Variants in VPS37C observed in about 807,000 individuals in gnomAD.
VPS37C encodes the protein vacuolar protein sorting-associated protein 37C.
VPS37C carries 9 observed loss-of-function variants against 16.1 expected under a neutral mutation model. The ratio of observed to expected loss-of-function variants is 0.56; its 90% confidence interval spans 0.34 to 0.97. VPS37C has a LOEUF of 0.97. Ranked by LOEUF, VPS37C falls within the 50% of genes least tolerant of loss-of-function variation. The probability of loss-of-function intolerance (pLI) is 0.02; values close to 1 mark genes in which losing one functional copy is unlikely to be tolerated. For missense variants in VPS37C, 479 were observed against 472.7 expected, an observed-to-expected ratio of 1.01 and a Z score of -0.12; for synonymous variants, 207 against 206.4, an observed-to-expected ratio of 1.00 and a Z score of -0.02.
Position 61,150,409 on chromosome 11 carries a change from C to G in VPS37C, c.-7+10982G>C, listed in dbSNP as rs573680778. On this transcript the variant is annotated intron_variant, in intron 1 of 4. Transcript: ENST00000301765. Reference sequence around the variant, plus strand: ...CCCTAAGGCTGGCTGTCTTGCCCCCCTCCTCCCCTCACCGCCCCCACCTGT... The same window carrying G: ...CCCTAAGGCTGGCTGTCTTGCCCCCGTCCTCCCCTCACCGCCCCCACCTGT... 8.5e-5 allele frequency among the ~76,000 whole-genome samples: 13 copies of G among 152,260 alleles called. No individual in the cohort carries two copies. The East Asian group carries it at 2.3e-3, about 27-fold the overall frequency.
intron 1 of VPS37C, among the ~76,000 whole-genome samples, chr11:61,158,029 C>G (rs1411161061): frequency 6.6e-6 from 1 of 152,202 alleles, no homozygotes; most frequent in African/African-American, 2.4e-5. Context: ...GAAGCAGATG[C>G]TGGTACTATG....
rs1861306334 is a variant in VPS37C at position 61,133,281 on chromosome 11, C to T, written c.322G>A (p.Gly108Ser). 1 of 1,614,100 alleles carries T rather than the reference C, an allele frequency of 6.2e-7. No individual in the cohort carries two copies. The highest frequency in any genetic ancestry group is 1.7e-5 in the Admixed American group (1 of 60,008). ...GTLLDLLQVE[G>S]MKIEEESEAM... ...TCGGACTCTTCTTCGATCTTCATGC[C>T]TTCCACCTGCAGAAGGTCTAACAAG... The change falls in exon 4 of 5, where the codon GGC becomes AGC. Residue 108 changes from glycine (G) to serine (S), a missense_variant. Physicochemically the swap from Gly to Ser is moderately conservative, Grantham distance 56 (BLOSUM62 0). Transcript: ENST00000301765.
At chr11:61,138,915 A>G in intron 1 of VPS37C, 80 bp from the exon 2 acceptor site, 1 of 1,343,530 alleles carries the variant, frequency 7.4e-7, no homozygotes, top group Non-Finnish European at 1.1e-6. Context: ...ATGATTTATC[A>G]AAAACAAACT....
At chr11:61,155,061 G>A (rs1004959758) in intron 1 of VPS37C, among the ~76,000 whole-genome samples, 5 of 148,972 alleles carry the variant, frequency 3.4e-5, no homozygotes, top group Admixed American at 6.7e-5. Context: ...CTATGATCAC[G>A]CCACTGCACT....
intron 2 of VPS37C, among the ~76,000 whole-genome samples, chr11:61,134,929 G>A (rs746721655): frequency 1.3e-5 from 2 of 152,232 alleles, no homozygotes; most frequent in Non-Finnish European, 2.9e-5. Flanking sequence ...ACCCTTGCCA[G>A]CTGTTGTGAT....
rs754513863 is a variant in VPS37C at position 61,138,793 on chromosome 11, C to G, written c.37G>C (p.Glu13Gln). 46 of 1,614,050 alleles carry G rather than the reference C, an allele frequency of 2.8e-5. No individual in the cohort carries two copies. In the East Asian group the frequency reaches 9.4e-4, roughly 33 times the overall value. Residue 13 changes from glutamate (E) to glutamine (Q), a missense_variant, in exon 2 of 5, where the codon GAG becomes CAG. By Grantham distance (29) the Glu-to-Gln change is conservative (BLOSUM62 2). Coordinates refer to ENST00000301765, the MANE Select transcript of VPS37C (RefSeq NM_017966.5). ...TLKDKTLQEL[E>Q]ELQNDSEAID... ...GCCTCCGAGTCATTCTGCAACTCCT[C>G]CAGCTCCTGCAGGGTCTTATCCTTC...
intron 1 of VPS37C, chr11:61,145,091 A>G (rs1853177499): frequency 6.6e-6 from 1 of 152,222 alleles, no homozygotes. Context: ...TTTAATTGAA[A>G]CAATAAATAA....
Position 61,161,373 on chromosome 11 carries a change from TC to T in VPS37C, c.-7+17del. 1 of 152,528 alleles carries T rather than the reference TC, an allele frequency of 6.6e-6. No individual in the cohort carries two copies. Among genetic ancestry groups the T allele is most frequent in the Non-Finnish European group, 1.5e-5 (1 of 68,556 alleles). 9.4% of individuals were successfully genotyped at this position (152,528 alleles called of 1,614,324 possible). A position where few individuals can be genotyped will look rare whatever the true frequency, so the allele number is the denominator to read the frequency against. On this transcript the variant is annotated intron_variant, in intron 1 of 4. Coordinates refer to ENST00000301765, the MANE Select transcript of VPS37C (RefSeq NM_017966.5). ...CCCGCCTGCGGCAGAGCCGGGACCCTCCCCAGTCTCCGCTCACCTGCCAGGG... is the reference window on the plus strand; with the variant it reads ...CCCGCCTGCGGCAGAGCCGGGACCCTCCCAGTCTCCGCTCACCTGCCAGGG...
intron 1 of VPS37C, 111 bp from the exon 2 acceptor site, chr11:61,138,946 C>A: frequency 3.1e-6 from 3 of 977,142 alleles, no homozygotes; most frequent in Non-Finnish European, 4.8e-6. Flanking sequence ...TGCGATAATA[C>A]CACTCCACCG....
chr11:61,159,739 T>A (rs11230616), intron 1 of VPS37C, among the ~76,000 whole-genome samples: 88,645 of 135,062 alleles, frequency 0.66, 28,374 homozygotes, highest in East Asian at 0.93. Flanking sequence ...AATAAATAAA[T>A]AAAAAATACA....
chr11:61,150,082 C>T (rs1010974229), intron 1 of VPS37C, among the ~76,000 whole-genome samples: 5 of 152,018 alleles, frequency 3.3e-5, no homozygotes, highest in Non-Finnish European at 7.4e-5. Context: ...CCACACACAC[C>T]TGCATTCCAG....
At chr11:61,161,052 C>A (rs1319253503) in intron 1 of VPS37C, 1 of 152,344 alleles carries the variant, frequency 6.6e-6, no homozygotes, top group Non-Finnish European at 1.5e-5. Flanking sequence ...GCTCTAATGT[C>A]ATCAGAATTG....
chr11:61,145,013 T>C (rs934515032), intron 1 of VPS37C: 1 of 152,252 alleles, frequency 6.6e-6, no homozygotes, highest in African/African-American at 2.4e-5. Flanking sequence ...ATCTGTAAAA[T>C]GGGCAAACAA....
intron 1 of VPS37C, among the ~76,000 whole-genome samples, chr11:61,158,387 G>A (rs531627063): frequency 5.3e-4 from 80 of 152,336 alleles, no homozygotes; most frequent in Middle Eastern, 3.4e-3. Flanking sequence ...TGAATTGAAA[G>A]TTATAGAACA....
intron 1 of VPS37C, among the ~76,000 whole-genome samples, chr11:61,147,147 C>A (rs1853220385): frequency 6.6e-6 from 1 of 152,064 alleles, no homozygotes; most frequent in African/African-American, 2.4e-5. Flanking sequence ...GAGACAAGTG[C>A]AAGGGTACAG....
chr11:61,138,482 G>C (rs77337534), intron 2 of VPS37C: 2 of 460,128 alleles, frequency 4.3e-6, no homozygotes, highest in Admixed American at 3.3e-5. Context: ...GGGCTGGAAC[G>C]ACAGTGTGGG....
intron 1 of VPS37C, among the ~76,000 whole-genome samples, chr11:61,141,040 G>A (rs1314440427): frequency 6.6e-6 from 1 of 152,146 alleles, no homozygotes; most frequent in Non-Finnish European, 1.5e-5. Context: ...GCATCTGATT[G>A]TAAAAATTGT....
At chr11:61,133,705 CCTGGGACACAGAGAGCCCAGAGCAG>C (rs1192920984) in intron 3 of VPS37C, among the ~76,000 whole-genome samples, 2 of 152,188 alleles carry the variant, frequency 1.3e-5, no homozygotes, top group Admixed American at 6.5e-5. Context: ...GGTGACAGGT[CCTGGGACACAGAGAGCCCAGAGCAG>C]CTCAGGAACA....
chr11:61,153,503 C>A (rs1337848680), intron 1 of VPS37C, among the ~76,000 whole-genome samples: 83 of 152,162 alleles, frequency 5.5e-4, no homozygotes, highest in Non-Finnish European at 7.4e-5. Flanking sequence ...GCTGACTGGA[C>A]AGGGACTTCC....
Sources: gnomAD v4.1 joint callset for allele counts (sites outside exome capture counted in the v4.1 genomes callset) on GRCh38, gnomAD v4.1.1 for gene constraint, MANE v1.5 for transcripts, NCBI Gene and HGNC (gene_info 2026-07-23, HGNC 2026-07-21) for gene names.